RBM6: variants seen among roughly 807,000 people sequenced by gnomAD.
The protein encoded by RBM6 is RNA binding motif protein 6, also known as RNA-binding protein 6.
A neutral mutation model predicts 140.4 loss-of-function variants in RBM6; 23 were observed. The observed-to-expected ratio is 0.16, with a 90% CI of 0.12 to 0.23. The LOEUF (loss-of-function observed/expected upper bound fraction) is 0.23. Among genes scored for constraint, RBM6 ranks in the 10% least tolerant of loss-of-function variants. The probability of loss-of-function intolerance (pLI) is 1.00; values close to 1 mark genes in which losing one functional copy is unlikely to be tolerated. For missense variants in RBM6, 1,139 were observed against 1,386.7 expected, an observed-to-expected ratio of 0.82 and a Z score of 2.84; for synonymous variants, 439 against 475.6, an observed-to-expected ratio of 0.92 and a Z score of 1.00.
intron 6 of RBM6, among the ~76,000 whole-genome samples, chr3:50,008,373 G>A (rs184705046): frequency 1.3e-5 from 2 of 151,978 alleles, no homozygotes; most frequent in African/African-American, 4.8e-5. Context: ...TTTTAACCTC[G>A]TGCTTCAGTG....
intron 11 of RBM6, 66 bp downstream of exon 11, chr3:50,059,812 T>C (rs2089865591): frequency 7.8e-7 from 1 of 1,283,378 alleles, no homozygotes; most frequent in Admixed American, 2.1e-5. Context: ...AAACTCCTTT[T>C]CCTGGCTGGA....
At chr3:50,074,124 C>T (rs1341278320) in intron 19 of RBM6, among the ~76,000 whole-genome samples, 7 of 152,034 alleles carry the variant, frequency 4.6e-5, no homozygotes, top group African/African-American at 1.7e-4. Context: ...TCACTGCACC[C>T]GGCCACCAAG....
chr3:49,960,498 T>C (rs529043940), intron 1 of RBM6, among the ~76,000 whole-genome samples: 1 of 152,346 alleles, frequency 6.6e-6, no homozygotes, highest in African/African-American at 2.4e-5. Flanking sequence ...CTCTTGATAG[T>C]GTCCTTTGAT....
chr3:50,033,850 C>G (rs888687765), intron 6 of RBM6, among the ~76,000 whole-genome samples: 1 of 152,166 alleles, frequency 6.6e-6, no homozygotes, highest in African/African-American at 2.4e-5. Context: ...CCATGTAGGC[C>G]AGGATGGTCT....
At chr3:49,954,573 G>A (rs2083888148) in intron 1 of RBM6, among the ~76,000 whole-genome samples, 1 of 151,734 alleles carries the variant, frequency 6.6e-6, no homozygotes, top group African/African-American at 2.4e-5. Flanking sequence ...GAGCCACTGT[G>A]TCTGGCCTAT....
chr3:50,071,794 G>A (rs979155751), intron 19 of RBM6, among the ~76,000 whole-genome samples: 3 of 152,146 alleles, frequency 2.0e-5, no homozygotes, highest in Admixed American at 6.5e-5. Flanking sequence ...CCTTGAAAAG[G>A]AAAAATGGGG....
chr3:49,992,227 C>T lies in RBM6; in HGVS notation c.1484-7213C>T, dbSNP rs914348965. Among the ~76,000 whole-genome samples, 20 of 152,194 alleles carry T rather than the reference C, an allele frequency of 1.3e-4. No individual in the cohort carries two copies. In the South Asian group the frequency reaches 1.9e-3, roughly 14 times the overall value. On this transcript the variant is annotated intron_variant, in intron 5 of 20. Transcript: ENST00000266022. ...TCAGCCTCCCAAAATGTTGGGATTA[C>T]GGGCGTGAGCCACTGAACTTGGTCC...
At chr3:49,945,996 A>G (rs2108569311) in intron 1 of RBM6, among the ~76,000 whole-genome samples, 1 of 152,012 alleles carries the variant, frequency 6.6e-6, no homozygotes, top group Middle Eastern at 3.4e-3. Context: ...CAGAGAGAAA[A>G]AGCTGCATGA....
Position 49,965,884 on chromosome 3 carries a change from G to A in RBM6, c.45-1586G>A, listed in dbSNP as rs551998313. On this transcript the variant is annotated intron_variant, in intron 2 of 20. Transcript: ENST00000266022. ...GCTCACGCCTGTAACCCTAACCTTG[G>A]GGAGACAGAGATGGGTGGCTCACCT... Among the ~76,000 whole-genome samples, 4 of 152,208 alleles carry A rather than the reference G, an allele frequency of 2.6e-5. No homozygotes were observed. The East Asian group carries it at 5.8e-4, about 22-fold the overall frequency.
At chr3:49,947,262 AGGG>A (rs71080561) in intron 1 of RBM6, among the ~76,000 whole-genome samples, 6,029 of 59,874 alleles carry the variant, frequency 0.1, 504 homozygotes, top group African/African-American at 0.24. Context: ...AAAAAAAAAA[AGGG>A]GGGGGGGGGG....
At chr3:50,034,772 G>A (rs1439105482) in intron 6 of RBM6, among the ~76,000 whole-genome samples, 2 of 151,978 alleles carry the variant, frequency 1.3e-5, no homozygotes, top group African/African-American at 4.8e-5. Flanking sequence ...AAAAAAAAAG[G>A]CAATGAATAA....
intron 3 of RBM6, 58 bp from the exon 4 acceptor site, chr3:49,972,001 A>T: frequency 7.8e-7 from 1 of 1,279,538 alleles, no homozygotes; most frequent in Non-Finnish European, 1.1e-6. Flanking sequence ...TTTCATGTTG[A>T]TTTGTGTTTT....
chr3:49,953,077 G>T (rs984548740), intron 1 of RBM6, among the ~76,000 whole-genome samples: 5 of 151,470 alleles, frequency 3.3e-5, no homozygotes, highest in African/African-American at 1.2e-4. Flanking sequence ...TTTTTTTGAG[G>T]CAGGGTCTTG....
At chr3:50,047,039 C>G in intron 6 of RBM6, 1 of 339,628 alleles carries the variant, frequency 2.9e-6, no homozygotes, top group Non-Finnish European at 4.2e-6. Flanking sequence ...GAGAACAAGC[C>G]AGGGAATAGT....
intron 6 of RBM6, among the ~76,000 whole-genome samples, chr3:50,047,840 A>C (rs2089292113): frequency 1.3e-5 from 2 of 152,328 alleles, no homozygotes; most frequent in African/African-American, 4.8e-5. Flanking sequence ...GCTGTGGAAA[A>C]GAAGAGGGCT....
rs2083225101 is a variant in RBM6 at position 49,940,230 on chromosome 3, G to A, written c.-67+5G>A. The A allele has an allele frequency of 6.6e-6, 1 of 152,624 alleles. No individual in the cohort carries two copies. The highest frequency in any genetic ancestry group is 2.4e-5 in the African/African-American group (1 of 41,470). 9.5% of individuals were successfully genotyped at this position (152,624 alleles called of 1,614,324 possible). A position where few individuals can be genotyped will look rare whatever the true frequency, so the allele number is the denominator to read the frequency against. The stretch of plus-strand genomic sequence containing the variant: ...CGTGGAGGCTTCGCCGCCTAGGTAA[G>A]GGCCCGGGACTGGAGGGGAGGCGTG... On this transcript the variant is annotated splice_donor_5th_base_variant and intron_variant, in intron 1 of 20. Transcript: ENST00000266022.
Position 50,025,465 on chromosome 3 carries a change from C to T in RBM6, c.1558-22780C>T, listed in dbSNP as rs898598561. 4.0e-5 allele frequency among the ~76,000 whole-genome samples: 6 copies of T among 150,446 alleles called. 1 individual carries two copies. The highest frequency in any genetic ancestry group is 1.5e-4 in the African/African-American group (6 of 41,084). Reference sequence around the variant, plus strand: ...ACCACGGAATTGTTATTTCTCTTGGCGAATAGGTAGATGCACTTATTCCTG... The same window carrying T: ...ACCACGGAATTGTTATTTCTCTTGGTGAATAGGTAGATGCACTTATTCCTG... On this transcript the variant is annotated intron_variant, in intron 6 of 20. Coordinates refer to ENST00000266022, the MANE Select transcript of RBM6 (RefSeq NM_005777.3).
At chr3:50,056,050 G>T (rs1368948462) in intron 8 of RBM6, among the ~76,000 whole-genome samples, 1 of 152,126 alleles carries the variant, frequency 6.6e-6, no homozygotes, top group Non-Finnish European at 1.5e-5. Context: ...GAGTTTCTTA[G>T]GTGGGCTTTT....
In RBM6 at chr3:50,015,072, GTTTT is replaced by G. The variant is rs1197968414; in HGVS notation, c.1557+15562_1557+15565del. Among the ~76,000 whole-genome samples the G allele has an allele frequency of 4.6e-3, 591 of 128,354 alleles. 3 individuals carry two copies. Among genetic ancestry groups the G allele is most frequent in the African/African-American group, 0.017 (571 of 34,272 alleles). 84.2% of individuals were successfully genotyped at this position (128,354 alleles called of 152,430 possible). A position where few individuals can be genotyped will look rare whatever the true frequency, so the allele number is the denominator to read the frequency against. ...AAAAAAAAAAAAAAAAAAAAAAAAA[GTTTT>G]TTATTTTTAAATTTTTTGTTTTATT... On this transcript the variant is annotated intron_variant, in intron 6 of 20. Coordinates refer to ENST00000266022, the MANE Select transcript of RBM6 (RefSeq NM_005777.3).
Sources: allele counts gnomAD v4.1 joint callset (sites outside exome capture counted in the v4.1 genomes callset), GRCh38; gene constraint gnomAD v4.1.1; transcripts MANE v1.5; gene names NCBI Gene and HGNC (gene_info 2026-07-23, HGNC 2026-07-21).